SUGCT: variants seen among roughly 807,000 people sequenced by gnomAD.
The protein encoded by SUGCT is succinyl-CoA:glutarate CoA-transferase.
Under a neutral mutation model 55.0 loss-of-function variants are expected in SUGCT, and 41 were observed. The observed-to-expected ratio is 0.74, with a 90% CI of 0.58 to 0.97. The LOEUF is 0.97. Among genes scored for constraint, SUGCT ranks in the 50% least tolerant of loss-of-function variants. The probability of loss-of-function intolerance (pLI) is 0.00; values close to 1 mark genes in which losing one functional copy is unlikely to be tolerated. For synonymous variants in SUGCT, 187 were observed against 200.4 expected, an observed-to-expected ratio of 0.93 and a Z score of 0.56; for missense variants, 568 against 547.8, an observed-to-expected ratio of 1.04 and a Z score of -0.37.
At chr7:40,140,837 C>A (rs1048961866) in intron 1 of SUGCT, among the ~76,000 whole-genome samples, 3 of 152,154 alleles carry the variant, frequency 2.0e-5, no homozygotes, top group Non-Finnish European at 4.4e-5. Flanking sequence ...TATTCGGGCT[C>A]ATTTTTAGTT....
At chr7:40,640,260 C>T (rs185244154) in intron 12 of SUGCT, among the ~76,000 whole-genome samples, 1 of 152,114 alleles carries the variant, frequency 6.6e-6, no homozygotes, top group East Asian at 1.9e-4. Flanking sequence ...ATGTTTATAC[C>T]TTTAGTATGT....
chr7:41,021,063 C>T, the SUGCT span, among the ~76,000 whole-genome samples: 29 of 152,212 alleles, frequency 1.9e-4, no homozygotes, highest in Admixed American at 1.8e-3. Context: ...AAGAGACCCT[C>T]ACAGAAAAGC....
intron 8 of SUGCT, among the ~76,000 whole-genome samples, chr7:40,303,240 A>G (rs1009554182): frequency 1.7e-4 from 25 of 151,360 alleles, no homozygotes; most frequent in Admixed American, 1.4e-3. Flanking sequence ...CATCATGTTG[A>G]CCAGGCTGGT....
intron 1 of SUGCT, among the ~76,000 whole-genome samples, chr7:40,144,437 G>A (rs373863783): frequency 6.6e-5 from 10 of 152,212 alleles, no homozygotes; most frequent in East Asian, 5.8e-4. Flanking sequence ...AGGGGGCGGC[G>A]CTTTCTTGAC....
At chr7:40,898,541 G>T in the SUGCT span, among the ~76,000 whole-genome samples, 2 of 135,142 alleles carry the variant, frequency 1.5e-5, no homozygotes, top group East Asian at 4.8e-4. Flanking sequence ...CGCTAACACA[G>T]TGAAACCCCA....
the SUGCT span, among the ~76,000 whole-genome samples, chr7:40,904,113 A>G: frequency 6.6e-6 from 1 of 152,176 alleles, no homozygotes; most frequent in East Asian, 1.9e-4. Context: ...TCAGCAACTC[A>G]TGAGTTTTTA....
intron 12 of SUGCT, among the ~76,000 whole-genome samples, chr7:40,554,568 G>A (rs950390826): frequency 3.9e-5 from 6 of 152,182 alleles, no homozygotes; most frequent in African/African-American, 1.4e-4. Context: ...CCAATGTCTT[G>A]AGGGTAAGAA....
chr7:40,582,803 T>G (rs1008848638), intron 12 of SUGCT, among the ~76,000 whole-genome samples: 1 of 152,170 alleles, frequency 6.6e-6, no homozygotes, highest in African/African-American at 2.4e-5. Flanking sequence ...TCCATGGCCG[T>G]CACAGAGCAC....
intron 9 of SUGCT, among the ~76,000 whole-genome samples, chr7:40,413,663 G>A (rs1786814176): frequency 2.6e-5 from 4 of 152,088 alleles, no homozygotes; most frequent in Admixed American, 2.6e-4. Context: ...TATTTATAAT[G>A]TAATTTGATG....
intron 11 of SUGCT, among the ~76,000 whole-genome samples, chr7:40,485,967 G>A (rs542638743): frequency 6.6e-6 from 1 of 152,236 alleles, no homozygotes; most frequent in African/African-American, 2.4e-5. Flanking sequence ...ATATTGGCCT[G>A]TAATTTTCTT....
rs180840140 is a variant in SUGCT, at chr7:40,478,760, T to C, written c.987-17524T>C. On this transcript the variant is annotated intron_variant, in intron 11 of 13. Transcript: ENST00000335693. ...TTAACTGCAGTCACGTTGTTTACTATATCTCCAGAACGTATTTGTCCTCAT... is the reference window on the plus strand; with the variant it reads ...TTAACTGCAGTCACGTTGTTTACTACATCTCCAGAACGTATTTGTCCTCAT... Among the ~76,000 whole-genome samples, 160 of 152,274 alleles carry C rather than the reference T, an allele frequency of 1.1e-3. 1 individual carries two copies. The highest frequency in any genetic ancestry group is 3.7e-3 in the African/African-American group (153 of 41,570).
At chr7:40,202,881 G>T (rs1786691193) in intron 6 of SUGCT, among the ~76,000 whole-genome samples, 1 of 152,160 alleles carries the variant, frequency 6.6e-6, no homozygotes, top group African/African-American at 2.4e-5. Flanking sequence ...GGCCCATGGG[G>T]AAAAATCCTC....
chr7:40,150,963 A>G (rs891446544), intron 1 of SUGCT, among the ~76,000 whole-genome samples: 2 of 151,968 alleles, frequency 1.3e-5, no homozygotes, highest in Admixed American at 6.6e-5. Flanking sequence ...TTGGCTGGGC[A>G]CTGTGGTTTA....
chr7:40,335,016 T>C (rs1336445524), intron 9 of SUGCT, among the ~76,000 whole-genome samples: 4 of 152,226 alleles, frequency 2.6e-5, no homozygotes, highest in Non-Finnish European at 5.9e-5. Flanking sequence ...GGGAATCCTT[T>C]CCCCATTTCT....
rs1423645993 is a variant in SUGCT, at chr7:40,499,244, A to G, written c.1089+2858A>G. ...AGACTTTGATAAAGTGAAAAGGGGT[A>G]TGTCTAACAACAACAACAAAAGCCA... On this transcript the variant is annotated intron_variant, in intron 12 of 13. Transcript: ENST00000335693. 4 of 351,582 alleles carry G rather than the reference A, an allele frequency of 1.1e-5. No homozygotes were observed. The East Asian group carries it at 3.5e-4, about 30-fold the overall frequency. The allele number at this position is 351,582 out of a possible 1,614,324, so 21.8% of individuals were successfully genotyped here.
intron 12 of SUGCT, among the ~76,000 whole-genome samples, chr7:40,627,458 C>G (rs1799574699): frequency 6.6e-6 from 1 of 152,104 alleles, no homozygotes; most frequent in Non-Finnish European, 1.5e-5. Context: ...AGGTCACATT[C>G]CTACGCAAAC....
intron 6 of SUGCT, among the ~76,000 whole-genome samples, chr7:40,231,625 A>G (rs4723936): frequency 0.42 from 63,714 of 151,934 alleles, 13,518 homozygotes; most frequent in East Asian, 0.48. Context: ...ACTAAAAACA[A>G]TATCAGGGCC....
rs1314817714 is a variant in SUGCT, at chr7:40,605,722, T to C, written c.1089+109336T>C. ...CACAGAGATGGGAATAACAACACTA[T>C]GAAGGGGTAGGAGTTAGGATCTGCT... is the stretch of plus-strand genomic sequence containing the variant. On this transcript the variant is annotated intron_variant, in intron 12 of 13. Transcript: ENST00000335693. Among the ~76,000 whole-genome samples the C allele has an allele frequency of 2.0e-5, 3 of 152,194 alleles. No individual in the cohort carries two copies. In the South Asian group the frequency reaches 6.2e-4, roughly 32 times the overall value.
intron 12 of SUGCT, chr7:40,538,808 G>A (rs888882374): frequency 6.6e-6 from 1 of 152,150 alleles, no homozygotes; most frequent in Non-Finnish European, 1.5e-5. Flanking sequence ...CTGGGCGCGG[G>A]GGCTCACGCC....
Sources: gnomAD v4.1 joint callset for allele counts (sites outside exome capture counted in the v4.1 genomes callset) on GRCh38, gnomAD v4.1.1 for gene constraint, MANE v1.5 for transcripts, NCBI Gene and HGNC (gene_info 2026-07-23, HGNC 2026-07-21) for gene names.